The following KIF16B variants were observed in gnomAD, a reference collection of about 807,000 sequenced individuals.
KIF16B encodes kinesin-like protein KIF16B.
In KIF16B, 98 loss-of-function variants were observed where a neutral mutation model predicts 156.3. The observed-to-expected ratio is 0.63, with a 90% CI of 0.53 to 0.74. KIF16B has a LOEUF of 0.74. Ranked by LOEUF, KIF16B falls within the 30% of genes least tolerant of loss-of-function variation. KIF16B has a pLI of 0.00. For missense variants in KIF16B, 1,421 were observed against 1,606.5 expected, an observed-to-expected ratio of 0.88 and a Z score of 1.97; for synonymous variants, 564 against 583.7, an observed-to-expected ratio of 0.97 and a Z score of 0.49.
intron 4 of KIF16B, among the ~76,000 whole-genome samples, chr20:16,513,758 T>G (rs1389741694): frequency 6.6e-6 from 1 of 150,906 alleles, no homozygotes; most frequent in Non-Finnish European, 1.5e-5. Flanking sequence ...TAATACACCA[T>G]ATTATTTATA....
intron 24 of KIF16B, among the ~76,000 whole-genome samples, chr20:16,314,431 G>C (rs556031818): frequency 6.6e-6 from 1 of 152,284 alleles, no homozygotes; most frequent in African/African-American, 2.4e-5. Context: ...ACCTTGGAGT[G>C]GGTTGAAGGT....
chr20:16,277,078 G>A (rs1568804883), intron 25 of KIF16B, among the ~76,000 whole-genome samples: 1 of 152,096 alleles, frequency 6.6e-6, no homozygotes, highest in Non-Finnish European at 1.5e-5. Context: ...CCAGAGATTC[G>A]AATTGCCAGT....
At chr20:16,298,653 C>T (rs1486682988) in intron 25 of KIF16B, among the ~76,000 whole-genome samples, 1 of 152,028 alleles carries the variant, frequency 6.6e-6, no homozygotes, top group Admixed American at 6.6e-5. Flanking sequence ...ATAAAGACAG[C>T]AAAGACCCTA....
At chr20:16,467,730 C>A (rs1600474666) in intron 12 of KIF16B, among the ~76,000 whole-genome samples, 1 of 143,736 alleles carries the variant, frequency 7.0e-6, no homozygotes, top group African/African-American at 2.6e-5. Context: ...AAAAAAAAAA[C>A]CCGGCCAACC....
At position 16,487,379 on chromosome 20, in the gene KIF16B, C is replaced by T. The variant is rs543795764; in HGVS notation, c.1302+6912G>A. ...CCCTGGACAACAGGAATCCAGAGGA[C>T]CGCAGGAAACTTGTTCCACAAACCT... is the stretch of plus-strand genomic sequence containing the variant. On this transcript the variant is annotated intron_variant, in intron 12 of 25. Transcript: ENST00000354981. Among the ~76,000 whole-genome samples the T allele has an allele frequency of 3.3e-5, 5 of 152,290 alleles. No homozygotes were observed. The South Asian group carries it at 1.0e-3, about 32-fold the overall frequency.
At chr20:16,552,517 T>C (rs16997877) in intron 1 of KIF16B, among the ~76,000 whole-genome samples, 41,830 of 151,984 alleles carry the variant, frequency 0.28, 5,926 homozygotes, top group East Asian at 0.41. Context: ...TCTCTCCAAG[T>C]ACCCTTCCTG....
In KIF16B at chr20:16,351,404, A is replaced by G. The variant is rs141794395; in HGVS notation, c.3621+4926T>C. ...ATTTTACCCACTCTGGTCCTAACTA[A>G]CTGAAAATGGCAAGCATAATGCAGC... On this transcript the variant is annotated intron_variant, in intron 23 of 25. Transcript: ENST00000354981. Among the ~76,000 whole-genome samples the G allele has an allele frequency of 3.5e-3, 527 of 152,242 alleles. 5 individuals carry two copies. The highest frequency in any genetic ancestry group is 0.012 in the African/African-American group (496 of 41,550).
At chr20:16,403,066 T>C (rs966737972) in intron 17 of KIF16B, among the ~76,000 whole-genome samples, 2 of 152,182 alleles carry the variant, frequency 1.3e-5, no homozygotes, top group East Asian at 1.9e-4. Context: ...TTCAAAGCCA[T>C]TGAATAGCCA....
chr20:16,397,584 C>A (rs557882608), intron 17 of KIF16B, among the ~76,000 whole-genome samples: 2 of 152,300 alleles, frequency 1.3e-5, no homozygotes, highest in South Asian at 4.1e-4. Flanking sequence ...CTGAGGATAA[C>A]TTGGAGCTTA....
chr20:16,502,929 G>T (rs1264314623), intron 10 of KIF16B, among the ~76,000 whole-genome samples: 1 of 152,146 alleles, frequency 6.6e-6, no homozygotes, highest in African/African-American at 2.4e-5. Context: ...TGAGAAAGAT[G>T]CCAGGCTGGG....
chr20:16,471,204 C>A (rs6043981), intron 12 of KIF16B, among the ~76,000 whole-genome samples: 33,598 of 152,012 alleles, frequency 0.22, 3,799 homozygotes, highest in Admixed American at 0.26. Flanking sequence ...ATTGACCCAA[C>A]AAAAGCCAAT....
chr20:16,513,026 T>G (rs2069008450), intron 4 of KIF16B, 103 bp from the exon 5 acceptor site: 2 of 770,598 alleles, frequency 2.6e-6, no homozygotes, highest in Non-Finnish European at 4.4e-6. Context: ...GTGACCTGTA[T>G]GCCAACCCCT....
At chr20:16,453,843 A>G (rs986519749) in intron 12 of KIF16B, among the ~76,000 whole-genome samples, 1 of 152,222 alleles carries the variant, frequency 6.6e-6, no homozygotes, top group African/African-American at 2.4e-5. Flanking sequence ...AAAATGGTAC[A>G]ACTCTTATGA....
intron 14 of KIF16B, among the ~76,000 whole-genome samples, chr20:16,428,339 C>T (rs983186578): frequency 6.6e-6 from 1 of 152,126 alleles, no homozygotes; most frequent in Non-Finnish European, 1.5e-5. Flanking sequence ...CTTCCCCTGC[C>T]AATCCCTATC....
intron 12 of KIF16B, among the ~76,000 whole-genome samples, chr20:16,465,122 T>C (rs1268965687): frequency 6.6e-6 from 1 of 152,168 alleles, no homozygotes; most frequent in East Asian, 1.9e-4. Flanking sequence ...AGGCCTCAAG[T>C]GGATTAATAT....
chr20:16,350,898 G>C (rs2064326816), intron 23 of KIF16B, among the ~76,000 whole-genome samples: 1 of 151,514 alleles, frequency 6.6e-6, no homozygotes, highest in Non-Finnish European at 1.5e-5. Context: ...GCACTGGGGG[G>C]GGGTCTGTGT....
chr20:16,504,330 T>C lies in KIF16B; in HGVS notation c.1176+42A>G. On this transcript the variant is annotated intron_variant, in intron 10 of 25. Transcript: ENST00000354981. ...CATTAAGATCTAGAAATAGATGCCA[T>C]TACTCAAAGAAAATTATCCATAAAT... 5.0e-6 allele frequency: 8 copies of C among 1,590,466 alleles called. No individual in the cohort carries two copies. In the South Asian group the frequency reaches 6.7e-5, roughly 13 times the overall value.
At chr20:16,497,376 A>C (rs1172643204) in intron 11 of KIF16B, among the ~76,000 whole-genome samples, 3 of 152,228 alleles carry the variant, frequency 2.0e-5, no homozygotes, top group Non-Finnish European at 4.4e-5. Context: ...GGATCTGCAT[A>C]TCCATTTAAC....
chr20:16,364,808 G>A (rs747842293), intron 22 of KIF16B, among the ~76,000 whole-genome samples: 2 of 152,176 alleles, frequency 1.3e-5, no homozygotes, highest in Non-Finnish European at 2.9e-5. Flanking sequence ...GATCCTCATT[G>A]TGGCCTTCTT....
Sources: allele counts gnomAD v4.1 joint callset (sites outside exome capture counted in the v4.1 genomes callset), GRCh38; gene constraint gnomAD v4.1.1; transcripts MANE v1.5; gene names NCBI Gene and HGNC (gene_info 2026-07-23, HGNC 2026-07-21).